NECTIN1: variants seen among roughly 807,000 people sequenced by gnomAD.
The protein encoded by NECTIN1 is nectin-1.
NECTIN1 carries 23 observed loss-of-function variants against 48.0 expected under a neutral mutation model. That is an observed-to-expected ratio of 0.48 (90% CI 0.34 to 0.68). The LOEUF (loss-of-function observed/expected upper bound fraction) is 0.68. Ranked by LOEUF, NECTIN1 falls within the 30% of genes least tolerant of loss-of-function variation. The pLI is 0.01. For missense variants in NECTIN1, 591 were observed against 709.9 expected, an observed-to-expected ratio of 0.83 and a Z score of 1.90; for synonymous variants, 270 against 288.9, an observed-to-expected ratio of 0.93 and a Z score of 0.66.
chr11:119,706,394 T>C (rs955867630), intron 1 of NECTIN1, among the ~76,000 whole-genome samples: 15 of 152,222 alleles, frequency 9.9e-5, no homozygotes, highest in African/African-American at 3.1e-4. Context: ...GGAGAAAGCT[T>C]TGGGCCCACC....
In NECTIN1 at chr11:119,686,427, G is replaced by C. The variant is rs527933571; in HGVS notation, c.80-7662C>G. 2.0e-5 allele frequency among the ~76,000 whole-genome samples: 3 copies of C among 152,144 alleles called. No individual in the cohort carries two copies. The South Asian group carries it at 6.2e-4, about 32-fold the overall frequency. ...CTTCCCTAGTCCACTGCTGCATCAC[G>C]CTAAGTCTACAGTCTCCTGCCTCCA... On this transcript the variant is annotated intron_variant, in intron 1 of 5. Transcript: ENST00000264025.
At position 119,661,118 on chromosome 11, in the gene NECTIN1, G is replaced by C. The variant is rs538935498; in HGVS notation, c.*3629C>G. 82 of 985,664 alleles carry C rather than the reference G, an allele frequency of 8.3e-5. No individual in the cohort carries two copies. Among genetic ancestry groups the C allele is most frequent in the Middle Eastern group, 5.2e-4 (1 of 1,914 alleles). The allele number at this position is 985,664 out of a possible 1,614,324, so 61.1% of individuals were successfully genotyped here. On this transcript the variant is annotated 3_prime_UTR_variant, in exon 6 of 6. Transcript: ENST00000264025. ...ACACCCCCCAGGTCAGAACCAGGAG[G>C]ATCTGCTGGGCTGTCCCTGGACCAA...
chr11:119,724,150 C>A lies in NECTIN1; in HGVS notation c.79+4325G>T, dbSNP rs1865872157. Among the ~76,000 whole-genome samples the A allele has an allele frequency of 3.3e-5, 5 of 152,146 alleles. 1 individual carries two copies. On this transcript the variant is annotated intron_variant, in intron 1 of 5. Transcript: ENST00000264025. The stretch of plus-strand genomic sequence containing the variant: ...ACCCTTTTTAATTGCCCAGAGTATG[C>A]TACCTCCCCTCCCCACACACACCAT...
At chr11:119,648,397 G>A (rs1332192744) in intron 5 of NECTIN1, among the ~76,000 whole-genome samples, 2 of 63,408 alleles carry the variant, frequency 3.2e-5, no homozygotes, top group East Asian at 4.2e-4. Flanking sequence ...GGTGGTGATG[G>A]TGGTGATGGT....
At position 119,677,082 on chromosome 11, in the gene NECTIN1, G is replaced by C. The variant is rs1864964151; in HGVS notation, c.851+20C>G. The C allele has an allele frequency of 6.2e-7, 1 of 1,604,160 alleles. No individual in the cohort carries two copies. The highest frequency in any genetic ancestry group is 8.5e-7 in the Non-Finnish European group (1 of 1,170,962). ...AGTCAGCTGTCTTCCAAGGTGACTG[G>C]TCAGCCCTGCAGCACTTACGTGGTC... is the stretch of plus-strand genomic sequence containing the variant. On this transcript the variant is annotated intron_variant, in intron 4 of 5. Coordinates refer to ENST00000264025, the MANE Select transcript of NECTIN1 (RefSeq NM_002855.5). The surrounding 1 kb of genome is among the most constrained non-coding windows in gnomAD (Gnocchi z 5.4).
chr11:119,710,295 C>G (rs779341102), intron 1 of NECTIN1, among the ~76,000 whole-genome samples: 1 of 152,222 alleles, frequency 6.6e-6, no homozygotes, highest in Non-Finnish European at 1.5e-5. Context: ...AGTCATTGCA[C>G]AGACACATTC....
In NECTIN1 at chr11:119,664,928, G is replaced by C; in HGVS notation, c.1373C>G (p.Pro458Arg). Residue 458 changes from proline (P) to arginine (R), a missense_variant, in exon 6 of 6, where the codon CCC becomes CGC. Pro to Arg is a moderately radical substitution (Grantham distance 103). Coordinates refer to ENST00000264025, the MANE Select transcript of NECTIN1 (RefSeq NM_002855.5). ...GGERKVGGPHPKYDEDAKRPY... is the reference protein window; with the variant it reads ...GGERKVGGPHRKYDEDAKRPY... ...CCGCTTGGCGTCCTCGTCATATTTGGGGTGGGGGCCGCCCACCTTGCGCTC... is the reference window on the plus strand; with the variant it reads ...CCGCTTGGCGTCCTCGTCATATTTGCGGTGGGGGCCGCCCACCTTGCGCTC... 6.2e-7 allele frequency: 1 copy of C among 1,613,802 alleles called. No individual in the cohort carries two copies. The highest frequency in any genetic ancestry group is 2.2e-5 in the East Asian group (1 of 44,864).
intron 1 of NECTIN1, among the ~76,000 whole-genome samples, chr11:119,691,942 GCCGCGGC>G (rs1243385522): frequency 6.6e-6 from 1 of 152,162 alleles, no homozygotes; most frequent in Non-Finnish European, 1.5e-5. Flanking sequence ...TCCCTCCTCT[GCCGCGGC>G]CTGTCTTCTT....
Position 119,665,287 on chromosome 11 carries a change from G to A in NECTIN1, c.1014C>T (p.Tyr338=). The A allele has an allele frequency of 6.3e-7, 1 of 1,588,730 alleles. No individual in the cohort carries two copies. Among genetic ancestry groups the A allele is most frequent in the Non-Finnish European group, 8.5e-7 (1 of 1,172,748 alleles). The change falls in exon 6 of 6, where the codon TAC becomes TAT. Residue 338 remains tyrosine, a synonymous_variant. Coordinates refer to ENST00000264025, the MANE Select transcript of NECTIN1 (RefSeq NM_002855.5). This position sits in a 1 kb window ranked among gnomAD's most constrained non-coding sequence, Gnocchi z 5.1. ...GCCCATGTTCGGGAGGAGACGGGGTGTAGGGGAATTCTGGGTGAGGAAAAG... is the reference window on the plus strand; with the variant it reads ...GCCCATGTTCGGGAGGAGACGGGGTATAGGGGAATTCTGGGTGAGGAAAAG... ...QVEVNITEFP[Y]TPSPPEHGRR...
chr11:119,676,932 A>G (rs1864961139), intron 4 of NECTIN1, 170 bp downstream of exon 4: 1 of 676,068 alleles, frequency 1.5e-6, no homozygotes, highest in African/African-American at 1.8e-5. Flanking sequence ...CGTAATGTAT[A>G]TGTGTGTGTT....
chr11:119,648,240 AGTGGTGGTGATAGAGGTGGTAATAGTG>A (rs1198147139), intron 5 of NECTIN1, among the ~76,000 whole-genome samples: 2 of 42,842 alleles, frequency 4.7e-5, no homozygotes, highest in African/African-American at 1.6e-4. Context: ...TGGTGGTGAT[AGTGGTGGTGATAGAGGTGGTAATAGTG>A]GTGGTGGTGA....
rs142863092 is a variant in NECTIN1, at chr11:119,677,659, C to T, written c.629G>A (p.Arg210His). Residue 210 changes from arginine to histidine, a missense_variant, in exon 3 of 6, where the codon CGC (arginine) becomes CAC (histidine). Transcript: ENST00000264025. The surrounding 1 kb of genome is among the most constrained non-coding windows in gnomAD (Gnocchi z 5.4). Reference sequence around the variant, plus strand: ...TTCCCTGCTGGGCACCAGGCGGTAGCGGCTGATGACCGTCACTGTGCCATT... The same window carrying T: ...TTCCCTGCTGGGCACCAGGCGGTAGTGGCTGATGACCGTCACTGTGCCATT... The part of the protein sequence containing the change: ...NPNGTVTVIS[R>H]YRLVPSREAH... 1.0e-3 allele frequency: 1,612 copies of T among 1,614,040 alleles called. 7 individuals are homozygous for T. The highest frequency in any genetic ancestry group is 2.4e-3 in the Admixed American group (142 of 60,012).
At position 119,661,444 on chromosome 11, in the gene NECTIN1, G is replaced by A. The variant is rs1266924535; in HGVS notation, c.*3303C>T. On this transcript the variant is annotated 3_prime_UTR_variant, in exon 6 of 6. Transcript: ENST00000264025. ...CTCCCTGTGGGTGTGGGGACCTGGG[G>A]CACACCCACCTGCCCCTCACTAGGA... 3 of 985,742 alleles carry A rather than the reference G, an allele frequency of 3.0e-6. No homozygotes were observed. Among genetic ancestry groups the A allele is most frequent in the Admixed American group, 6.2e-5 (1 of 16,258 alleles). 61.1% of individuals were successfully genotyped at this position (985,742 alleles called of 1,614,324 possible).
Position 119,678,517 on chromosome 11 carries a change from G to T in NECTIN1, c.328C>A (p.Arg110Ser). The change falls in exon 2 of 6, where the codon CGC becomes AGC. Residue 110 changes from arginine to serine, a missense_variant. Transcript: ENST00000264025. This position sits in a 1 kb window ranked among gnomAD's most constrained non-coding sequence, Gnocchi z 4.4. Reference protein sequence around the residue: ...LRPSFTDGTIRLSRLELEDEG... With the variant: ...LRPSFTDGTISLSRLELEDEG... ...TCCTCCAGCTCCAGGCGGGAGAGGC[G>T]GATAGTGCCATCGGTGAAGGAGGGC... The T allele has an allele frequency of 6.2e-7, 1 of 1,614,248 alleles. No homozygotes were observed. The highest frequency in any genetic ancestry group is 8.5e-7 in the Non-Finnish European group (1 of 1,180,040).
intron 4 of NECTIN1, 121 bp downstream of exon 4, chr11:119,676,981 T>G: frequency 1.2e-6 from 1 of 833,584 alleles, no homozygotes; most frequent in Non-Finnish European, 2.1e-6. Flanking sequence ...CGCTTCTTAC[T>G]GAGCCCAGAC....
chr11:119,638,399 G>A, intron 7 of NECTIN1: 5 of 1,104,484 alleles, frequency 4.5e-6, no homozygotes, highest in South Asian at 1.4e-5. Context: ...GAGGGCACAA[G>A]TGCACCCTGA....
intron 6 of NECTIN1, chr11:119,639,461 T>G: frequency 3.3e-6 from 1 of 300,076 alleles, no homozygotes; most frequent in Non-Finnish European, 6.4e-6. Context: ...GCTCCCCCCA[T>G]ATACTTTGTG....
chr11:119,676,811 A>C, intron 4 of NECTIN1: 2 of 454,844 alleles, frequency 4.4e-6, no homozygotes, highest in Non-Finnish European at 8.2e-6. Flanking sequence ...CTGAATCACC[A>C]AAGGAAAACG....
intron 5 of NECTIN1, among the ~76,000 whole-genome samples, chr11:119,648,970 A>C (rs1414556612): frequency 1.3e-5 from 2 of 152,220 alleles, no homozygotes; most frequent in Middle Eastern, 3.2e-3. Flanking sequence ...GCACTAGAGT[A>C]GACGAGTGGG....
Sources: allele counts gnomAD v4.1 joint callset (sites outside exome capture counted in the v4.1 genomes callset), GRCh38; gene constraint gnomAD v4.1.1; non-coding constraint Gnocchi (gnomAD v3.1); transcripts MANE v1.5; gene names NCBI Gene and HGNC (gene_info 2026-07-23, HGNC 2026-07-21).